Variants in OPCML observed in about 807,000 individuals in gnomAD.
OPCML encodes the protein opioid binding protein/cell adhesion molecule like, also known as opioid-binding protein/cell adhesion molecule.
OPCML carries 13 observed loss-of-function variants against 37.8 expected under a neutral mutation model. The observed-to-expected ratio is 0.34, with a 90% CI of 0.22 to 0.55. The LOEUF (loss-of-function observed/expected upper bound fraction) is 0.55, where lower values mean the gene tolerates loss of function less well. Among genes scored for constraint, OPCML ranks in the 20% least tolerant of loss-of-function variants. The pLI is 0.91. For missense variants in OPCML, 341 were observed against 435.6 expected, an observed-to-expected ratio of 0.78 and a Z score of 1.93; for synonymous variants, 176 against 168.8, an observed-to-expected ratio of 1.04 and a Z score of -0.33.
chr11:133,015,391 G>GGAAT (rs1253160394), intron 1 of OPCML, among the ~76,000 whole-genome samples: 2 of 64,820 alleles, frequency 3.1e-5, no homozygotes, highest in Non-Finnish European at 2.9e-5. Flanking sequence ...AAGGAAGGAA[G>GGAAT]GAATGAAGGA....
intron 1 of OPCML, among the ~76,000 whole-genome samples, chr11:133,523,431 C>T (rs1948432440): frequency 6.6e-6 from 1 of 152,160 alleles, no homozygotes; most frequent in Non-Finnish European, 1.5e-5. Context: ...TTCCCAAGTG[C>T]ATTCGTGTCT....
chr11:133,346,929 T>A (rs1041693154), intron 1 of OPCML, among the ~76,000 whole-genome samples: 2 of 152,172 alleles, frequency 1.3e-5, no homozygotes, highest in African/African-American at 2.4e-5. Context: ...CATTATAAAA[T>A]TCCCTACTGA....
chr11:133,146,622 T>A (rs576228136), intron 1 of OPCML, among the ~76,000 whole-genome samples: 1 of 151,888 alleles, frequency 6.6e-6, no homozygotes, highest in Non-Finnish European at 1.5e-5. Context: ...CATGCTAGGC[T>A]AATTTTTCTC....
chr11:132,615,974 A>C (rs921203397), intron 3 of OPCML, among the ~76,000 whole-genome samples: 2 of 152,222 alleles, frequency 1.3e-5, no homozygotes, highest in African/African-American at 2.4e-5. Flanking sequence ...GAGCCAATGA[A>C]TCTAGGCTAC....
At chr11:132,481,779 T>C (rs1249389717) in intron 4 of OPCML, among the ~76,000 whole-genome samples, 7 of 150,660 alleles carry the variant, frequency 4.6e-5, no homozygotes, top group East Asian at 3.9e-4. Context: ...TCAAAACCAC[T>C]CAACTACATG....
chr11:133,152,031 G>C (rs763391478), intron 1 of OPCML, among the ~76,000 whole-genome samples: 2 of 152,204 alleles, frequency 1.3e-5, no homozygotes, highest in Non-Finnish European at 2.9e-5. Context: ...TTGAGGAACA[G>C]AAACAGAGAT....
intron 1 of OPCML, among the ~76,000 whole-genome samples, chr11:133,215,693 C>A (rs1939555019): frequency 6.6e-6 from 1 of 152,038 alleles, no homozygotes; most frequent in African/African-American, 2.4e-5. Flanking sequence ...CTTTGATGCC[C>A]CGAGGGAGCA....
chr11:132,486,815 G>A (rs374950956), intron 4 of OPCML, among the ~76,000 whole-genome samples: 2 of 151,928 alleles, frequency 1.3e-5, no homozygotes, highest in African/African-American at 2.4e-5. Flanking sequence ...AATCAGTTTA[G>A]CAAAGCTTAA....
intron 1 of OPCML, chr11:133,422,296 T>C (rs564714369): frequency 1.8e-4 from 174 of 984,476 alleles, no homozygotes; most frequent in Admixed American, 4.9e-4. Context: ...CACGAAGATA[T>C]GGGGCAAGAA....
chr11:133,145,002 C>T (rs1949878144), intron 1 of OPCML, among the ~76,000 whole-genome samples: 1 of 152,178 alleles, frequency 6.6e-6, no homozygotes, highest in Non-Finnish European at 1.5e-5. Context: ...GGGCTCTTAG[C>T]AACAACAGTG....
chr11:133,070,457 A>G (rs1189686695), intron 1 of OPCML, among the ~76,000 whole-genome samples: 2 of 152,134 alleles, frequency 1.3e-5, no homozygotes, highest in Non-Finnish European at 2.9e-5. Flanking sequence ...GCCTGGGAGA[A>G]AGTGAATGCT....
chr11:133,434,483 A>G (rs181366945), intron 1 of OPCML, among the ~76,000 whole-genome samples: 14 of 152,222 alleles, frequency 9.2e-5, no homozygotes, highest in African/African-American at 3.4e-4. Flanking sequence ...AAAGGCTTCA[A>G]ATTTCATCAT....
chr11:132,513,856 A>G (rs2096274107), intron 4 of OPCML, among the ~76,000 whole-genome samples: 1 of 152,208 alleles, frequency 6.6e-6, no homozygotes, highest in Non-Finnish European at 1.5e-5. Context: ...AAATGCTATT[A>G]TGTCTGAGCC....
At position 133,509,263 on chromosome 11, in the gene OPCML, C is replaced by T. The variant is rs980840340; in HGVS notation, c.61+23001G>A. Reference sequence around the variant, plus strand: ...AGGCCCCATTCTGTGATGTTCGCCTCCCTGTGTCCATATGTTCTCATTATT... The same window carrying T: ...AGGCCCCATTCTGTGATGTTCGCCTTCCTGTGTCCATATGTTCTCATTATT... On this transcript the variant is annotated intron_variant, in intron 1 of 7. Transcript: ENST00000524381. Among the ~76,000 whole-genome samples, 5 of 152,264 alleles carry T rather than the reference C, an allele frequency of 3.3e-5. No homozygotes were observed. In the East Asian group the frequency reaches 7.7e-4, roughly 24 times the overall value.
rs143263076 is a variant in OPCML at position 132,612,263 on chromosome 11, G to A, written c.379+44824C>T. Among the ~76,000 whole-genome samples the A allele has an allele frequency of 1.8e-4, 28 of 152,226 alleles. No homozygotes were observed. The East Asian group carries it at 5.4e-3, about 29-fold the overall frequency. On this transcript the variant is annotated intron_variant, in intron 3 of 7. Coordinates refer to ENST00000524381, the MANE Select transcript of OPCML (RefSeq NM_001012393.5). ...TTTCCCTTGGAACGAAACAGCTCTG[G>A]AAGTATTAACTTTTTACATTAATTT...
chr11:133,017,922 T>C (rs1442874205), intron 1 of OPCML, among the ~76,000 whole-genome samples: 1 of 152,192 alleles, frequency 6.6e-6, no homozygotes, highest in Non-Finnish European at 1.5e-5. Flanking sequence ...AGATCTGGCT[T>C]TCTGTGGCAC....
chr11:133,018,412 C>T (rs78473377), intron 1 of OPCML, among the ~76,000 whole-genome samples: 124 of 152,126 alleles, frequency 8.2e-4, no homozygotes, highest in Non-Finnish European at 8.4e-4. Flanking sequence ...TCCTTTCCTT[C>T]TCTCTTTTCT....
intron 1 of OPCML, chr11:133,064,799 T>C (rs1003510458): frequency 6.6e-6 from 1 of 152,154 alleles, no homozygotes; most frequent in Non-Finnish European, 1.5e-5. Flanking sequence ...GCTTTATTCA[T>C]TTCCTGGAAA....
chr11:133,041,861 C>T (rs2136947204), intron 1 of OPCML, among the ~76,000 whole-genome samples: 1 of 152,314 alleles, frequency 6.6e-6, no homozygotes, highest in East Asian at 1.9e-4. Flanking sequence ...AGCAACCTTT[C>T]TGGTCCCTCC....
Sources: gnomAD v4.1 joint callset for allele counts (sites outside exome capture counted in the v4.1 genomes callset) on GRCh38, gnomAD v4.1.1 for gene constraint, MANE v1.5 for transcripts, NCBI Gene and HGNC (gene_info 2026-07-23, HGNC 2026-07-21) for gene names.